Variants in CRYBG1 observed in about 807,000 individuals in gnomAD.
CRYBG1 encodes beta/gamma crystallin domain-containing protein 1.
A neutral mutation model predicts 189.2 loss-of-function variants in CRYBG1; 139 were observed. The observed-to-expected ratio is 0.73, with a 90% CI of 0.64 to 0.85. CRYBG1 has a LOEUF of 0.85. Ranked by LOEUF, CRYBG1 falls within the 40% of genes least tolerant of loss-of-function variation. The pLI, the probability that CRYBG1 is intolerant of heterozygous loss-of-function variation, is 0.00. For synonymous variants in CRYBG1, 1,023 were observed against 1,017.1 expected (o/e 1.01, Z -0.11); for missense variants, 2,611 against 2,675.8 (o/e 0.98, Z 0.53).
intron 2 of CRYBG1, among the ~76,000 whole-genome samples, chr6:106,477,402 C>T (rs1002989843): frequency 7.2e-5 from 11 of 152,058 alleles, no homozygotes; most frequent in Non-Finnish European, 1.5e-4. Flanking sequence ...TAGTTAATAT[C>T]CATTTAAAGG....
At chr6:106,444,227 C>T (rs1172337888) in intron 1 of CRYBG1, among the ~76,000 whole-genome samples, 1 of 152,070 alleles carries the variant, frequency 6.6e-6, no homozygotes, top group East Asian at 1.9e-4. Context: ...ATTTGAATTG[C>T]CTTAAAAGGA....
At chr6:106,541,662 TTA>T in intron 10 of CRYBG1, 41 bp downstream of exon 10, 1 of 1,333,786 alleles carries the variant, frequency 7.5e-7, no homozygotes. Flanking sequence ...GTATATGTAA[TTA>T]TTTAAACATA....
intron 8 of CRYBG1, among the ~76,000 whole-genome samples, chr6:106,537,945 C>T (rs17067219): frequency 4.1e-4 from 62 of 152,224 alleles, no homozygotes; most frequent in South Asian, 1.0e-3. Flanking sequence ...CAAAAACCAC[C>T]GCCAAAAATG....
At position 106,533,843 on chromosome 6, in the gene CRYBG1, C is replaced by G. The variant is rs189717859; in HGVS notation, c.4718+3528C>G. On this transcript the variant is annotated intron_variant, in intron 8 of 21. Coordinates refer to ENST00000633556, the MANE Select transcript of CRYBG1 (RefSeq NM_001371242.2). ...TGGGCAAGAAGGTGACTATGTGAGG[C>G]TGGAGTTCAGGGGAGAGGCTGGAGG... Among the ~76,000 whole-genome samples, 345 of 152,180 alleles carry G rather than the reference C, an allele frequency of 2.3e-3. 1 individual carries two copies. The highest frequency in any genetic ancestry group is 4.0e-3 in the Non-Finnish European group (275 of 68,002).
In CRYBG1 at chr6:106,570,191, T is replaced by G. The variant is rs1775018843; in HGVS notation, c.*1625T>G. The G allele has an allele frequency of 6.6e-6, 1 of 152,254 alleles. No individual in the cohort carries two copies. The highest frequency in any genetic ancestry group is 1.5e-5 in the Non-Finnish European group (1 of 68,056). The allele number at this position is 152,254 out of a possible 1,614,324, so 9.4% of individuals were successfully genotyped here. On this transcript the variant is annotated 3_prime_UTR_variant, in exon 22 of 22. Transcript: ENST00000633556. Reference sequence around the variant, plus strand: ...GAACAGCTTGTTTCTTTTCCATCTATTCAAGTGTGTTTCTAATTCTAAAAT... The same window carrying G: ...GAACAGCTTGTTTCTTTTCCATCTAGTCAAGTGTGTTTCTAATTCTAAAAT...
intron 2 of CRYBG1, among the ~76,000 whole-genome samples, chr6:106,499,580 T>C (rs982960643): frequency 6.6e-6 from 1 of 152,140 alleles, no homozygotes; most frequent in Non-Finnish European, 1.5e-5. Context: ...TACGTTGTAA[T>C]TGTATACATT....
rs925638609 is a variant in CRYBG1, at chr6:106,520,390, C to T, written c.3182C>T (p.Pro1061Leu). ...GCTGAATCCAGTCCCACCAACTCTC[C>T]CAGCAGCGGAAATCACTTAGCCACT... The part of the protein sequence containing the change: ...LMAESSPTNS[P>L]SSGNHLATPQ... The change falls in exon 4 of 22, where the codon CCC becomes CTC. Residue 1061 changes from proline (P) to leucine (L), a missense_variant. Physicochemically the swap from Pro to Leu is moderately conservative, Grantham distance 98. Transcript: ENST00000633556. The T allele has an allele frequency of 4.3e-6, 7 of 1,614,000 alleles. No individual in the cohort carries two copies. The African/African-American group carries it at 9.3e-5, about 22-fold the overall frequency.
intron 1 of CRYBG1, among the ~76,000 whole-genome samples, chr6:106,434,993 C>T (rs1456971117): frequency 6.6e-6 from 1 of 152,128 alleles, no homozygotes; most frequent in East Asian, 1.9e-4. Flanking sequence ...CACTGAAAAA[C>T]CAAACAATGA....
At chr6:106,474,386 A>G (rs1718268935) in intron 2 of CRYBG1, among the ~76,000 whole-genome samples, 1 of 152,204 alleles carries the variant, frequency 6.6e-6, no homozygotes. Flanking sequence ...GGGAATTGTT[A>G]TAGTGTATAA....
At chr6:106,393,371 C>T (rs1255592678) in intron 1 of CRYBG1, among the ~76,000 whole-genome samples, 1 of 152,098 alleles carries the variant, frequency 6.6e-6, no homozygotes, top group Non-Finnish European at 1.5e-5. Context: ...GCAGCCTCAC[C>T]ATCGTTAAAG....
At chr6:106,405,571 C>T (rs1043186232) in intron 1 of CRYBG1, among the ~76,000 whole-genome samples, 4 of 152,216 alleles carry the variant, frequency 2.6e-5, no homozygotes, top group Admixed American at 6.5e-5. Context: ...GGTCCCTGAC[C>T]CCCGTGCCTC....
At chr6:106,363,114 C>A (rs2787517) in intron 1 of CRYBG1, among the ~76,000 whole-genome samples, 1 of 149,724 alleles carries the variant, frequency 6.7e-6, no homozygotes, top group South Asian at 2.1e-4. Context: ...CATGGTGGCG[C>A]GCGCCTGTAG....
chr6:106,436,516 G>C (rs1395715398), intron 1 of CRYBG1, among the ~76,000 whole-genome samples: 2 of 152,058 alleles, frequency 1.3e-5, no homozygotes, highest in Non-Finnish European at 2.9e-5. Flanking sequence ...GGATGGTCTC[G>C]ATCTCCTGAC....
At chr6:106,485,795 A>G (rs1772582081) in intron 2 of CRYBG1, among the ~76,000 whole-genome samples, 1 of 152,186 alleles carries the variant, frequency 6.6e-6, no homozygotes, top group African/African-American at 2.4e-5. Context: ...ATGTTGAACT[A>G]TCCTTGCATC....
intron 1 of CRYBG1, among the ~76,000 whole-genome samples, chr6:106,424,410 A>G (rs778824037): frequency 3.9e-5 from 6 of 152,192 alleles, no homozygotes; most frequent in Non-Finnish European, 5.9e-5. Context: ...TTCCCACTGC[A>G]TATGGCCTGG....
At chr6:106,515,545 T>A (rs1365204099) in intron 3 of CRYBG1, among the ~76,000 whole-genome samples, 1 of 152,212 alleles carries the variant, frequency 6.6e-6, no homozygotes, top group Non-Finnish European at 1.5e-5. Context: ...GTATATTCTC[T>A]GGTATGTGAC....
chr6:106,403,837 T>C (rs1439483588), intron 1 of CRYBG1, among the ~76,000 whole-genome samples: 1 of 152,118 alleles, frequency 6.6e-6, no homozygotes, highest in Non-Finnish European at 1.5e-5. Flanking sequence ...AAATAGCAAC[T>C]TGAGGTGATC....
Position 106,374,289 on chromosome 6 carries a change from C to T in CRYBG1, c.173+13208C>T, listed in dbSNP as rs1449047413. On this transcript the variant is annotated intron_variant, in intron 1 of 21. Transcript: ENST00000633556. The stretch of plus-strand genomic sequence containing the variant: ...CATAAGACAGCCTGGCACGGTGGCT[C>T]ATGCCTGTAATCCCAGCACAATGTG... Among the ~76,000 whole-genome samples, 6 of 152,150 alleles carry T rather than the reference C, an allele frequency of 3.9e-5. No individual in the cohort carries two copies. In the East Asian group the frequency reaches 7.7e-4, roughly 19 times the overall value.
rs780462057 is a variant in CRYBG1, at chr6:106,512,701, G to A, written c.1584G>A (p.Pro528=). 9 of 1,545,110 alleles carry A rather than the reference G, an allele frequency of 5.8e-6. No homozygotes were observed. In the South Asian group the frequency reaches 6.0e-5, roughly 10 times the overall value. ...GTGCCCTCGAGGCCGTGCCCGCCCCGCCCGCCAGCGGCCCCCGGGCTCCCG... is the reference window on the plus strand; with the variant it reads ...GTGCCCTCGAGGCCGTGCCCGCCCCACCCGCCAGCGGCCCCCGGGCTCCCG... ...RSRALEAVPA[P]PASGPRAPAK... The change falls in exon 3 of 22, where the codon CCG becomes CCA. Residue 528 remains proline (P), a synonymous_variant. Coordinates refer to ENST00000633556, the MANE Select transcript of CRYBG1 (RefSeq NM_001371242.2).
Sources: allele counts gnomAD v4.1 joint callset (sites outside exome capture counted in the v4.1 genomes callset), GRCh38; gene constraint gnomAD v4.1.1; transcripts MANE v1.5; gene names NCBI Gene and HGNC (gene_info 2026-07-23, HGNC 2026-07-21).